The following SLC5A4 variants were observed in gnomAD, a reference collection of about 807,000 sequenced individuals.
SLC5A4 encodes solute carrier family 5 member 4, also known as probable glucose sensor protein SLC5A4.
In SLC5A4, 55 loss-of-function variants were observed where a neutral mutation model predicts 70.3. The observed-to-expected ratio is 0.78, with a 90% CI of 0.63 to 0.98. The LOEUF (loss-of-function observed/expected upper bound fraction) is 0.98, where lower values mean the gene tolerates loss of function less well. Among genes scored for constraint, SLC5A4 ranks in the 50% least tolerant of loss-of-function variants. SLC5A4 has a pLI of 0.00. For synonymous variants in SLC5A4, 268 were observed against 305.7 expected (o/e 0.88, Z 1.29); for missense variants, 735 against 839.2 (o/e 0.88, Z 1.53).
the SLC5A4 span, among the ~76,000 whole-genome samples, chr22:32,294,589 T>A: frequency 7.6e-6 from 1 of 131,556 alleles, no homozygotes; most frequent in Non-Finnish European, 1.6e-5. Context: ...TCCCTGACAA[T>A]CATTAATATT....
chr22:32,344,049 C>T, the SLC5A4 span, among the ~76,000 whole-genome samples: 67,399 of 151,942 alleles, frequency 0.44, 18,399 homozygotes, highest in African/African-American at 0.77. Flanking sequence ...TCAGTGATAT[C>T]TGTAAGCGCT....
chr22:32,300,463 C>A, the SLC5A4 span, among the ~76,000 whole-genome samples: 21,339 of 151,852 alleles, frequency 0.14, 1,734 homozygotes, highest in East Asian at 0.32. Flanking sequence ...TCAGAAAGGG[C>A]ACTCCCTGAC....
In SLC5A4 at chr22:32,218,652, C is replaced by T; in HGVS notation, c.1842G>A (p.Lys614=). Residue 614 remains lysine, a synonymous_variant, in exon 15 of 15, where the codon AAG becomes AAA. Coordinates refer to ENST00000266086, the MANE Select transcript of SLC5A4 (RefSeq NM_014227.3). Reference sequence around the variant, plus strand: ...AGGCTTCCTCCTCCTCCTTGGTTAGCTTGGGTCCCTTCTGCAAACCGCAGA... The same window carrying T: ...AGGCTTCCTCCTCCTCCTTGGTTAGTTTGGGTCCCTTCTGCAAACCGCAGA... ...DLFCGLQKGP[K]LTKEEEEALS... is the part of the protein sequence containing the mutation. 2 of 1,613,966 alleles carry T rather than the reference C, an allele frequency of 1.2e-6. 1 individual carries two copies. Among genetic ancestry groups the T allele is most frequent in the Non-Finnish European group, 1.7e-6 (2 of 1,180,000 alleles).
the SLC5A4 span, among the ~76,000 whole-genome samples, chr22:32,292,628 T>A: frequency 1.3e-5 from 2 of 151,962 alleles, no homozygotes; most frequent in South Asian, 4.1e-4. Flanking sequence ...TTTATAGAAT[T>A]CTATCTTAAT....
At chr22:32,258,843 T>C (rs1236176278), upstream of SLC5A4, among the ~76,000 whole-genome samples, 2 of 152,202 alleles carry the variant, frequency 1.3e-5, no homozygotes, top group African/African-American at 4.8e-5. Context: ...AGTGGATGCA[T>C]GGATAAAGAC....
At chr22:32,339,179 A>C in the SLC5A4 span, among the ~76,000 whole-genome samples, 10 of 152,044 alleles carry the variant, frequency 6.6e-5, no homozygotes, top group African/African-American at 2.2e-4. Context: ...AGGGAGAAAA[A>C]CGCAAAGCAG....
At chr22:32,319,931 T>C in the SLC5A4 span, among the ~76,000 whole-genome samples, 1 of 151,890 alleles carries the variant, frequency 6.6e-6, no homozygotes, top group African/African-American at 2.4e-5. Flanking sequence ...TAAGATGAAC[T>C]GAACAAACAG....
the SLC5A4 span, among the ~76,000 whole-genome samples, chr22:32,313,171 T>G: frequency 6.6e-6 from 1 of 152,176 alleles, no homozygotes; most frequent in Non-Finnish European, 1.5e-5. Flanking sequence ...GGAGAGTGCA[T>G]ACATAGAGGT....
At chr22:32,317,305 TTAA>T in the SLC5A4 span, among the ~76,000 whole-genome samples, 2 of 152,002 alleles carry the variant, frequency 1.3e-5, no homozygotes, top group African/African-American at 4.8e-5. Context: ...ACTGATCTTA[TTAA>T]TAAATTAGAA....
chr22:32,347,075 G>A, the SLC5A4 span, among the ~76,000 whole-genome samples: 12 of 152,252 alleles, frequency 7.9e-5, no homozygotes, highest in South Asian at 4.1e-4. Flanking sequence ...AAAAGAAGAC[G>A]TTTATGCAGC....
At chr22:32,261,838 C>A in the SLC5A4 span, among the ~76,000 whole-genome samples, 1 of 152,220 alleles carries the variant, frequency 6.6e-6, no homozygotes, top group Non-Finnish European at 1.5e-5. Flanking sequence ...CCCTCCCCAG[C>A]CTCTCATAAC....
chr22:32,259,977 C>T (rs1222407603), upstream of SLC5A4, among the ~76,000 whole-genome samples: 2 of 152,194 alleles, frequency 1.3e-5, no homozygotes, highest in Non-Finnish European at 2.9e-5. Flanking sequence ...CGATGCCTGC[C>T]CCGACCCCAA....
chr22:32,337,189 C>A, the SLC5A4 span, among the ~76,000 whole-genome samples: 4 of 152,196 alleles, frequency 2.6e-5, no homozygotes, highest in Non-Finnish European at 5.9e-5. Flanking sequence ...CTTGTCCTGG[C>A]TATCATCGCC....
the SLC5A4 span, among the ~76,000 whole-genome samples, chr22:32,322,626 A>G: frequency 2.6e-5 from 4 of 151,286 alleles, no homozygotes; most frequent in Admixed American, 1.3e-4. Context: ...AGAAACAGCC[A>G]GAGGCCCAAG....
intron 9 of SLC5A4, 79 bp downstream of exon 9, chr22:32,232,820 C>T: frequency 6.7e-7 from 1 of 1,497,834 alleles, no homozygotes; most frequent in Non-Finnish European, 9.0e-7. Context: ...TGGATTTTCT[C>T]AAGGTTTTAT....
the SLC5A4 span, among the ~76,000 whole-genome samples, chr22:32,262,962 G>A: frequency 0.025 from 3,734 of 151,944 alleles, 171 homozygotes; most frequent in African/African-American, 0.086. Flanking sequence ...TAGAGATGGG[G>A]TTTCACTGTG....
Position 32,235,103 on chromosome 22 carries a change from C to T in SLC5A4, c.665-10G>A, listed in dbSNP as rs185672690. Reference sequence around the variant, plus strand: ...CCAACTTCGTTAAATGCTAAAAAGGCATCAGAGTAAAATGAGATGTCTTAC... The same window carrying T: ...CCAACTTCGTTAAATGCTAAAAAGGTATCAGAGTAAAATGAGATGTCTTAC... On this transcript the variant is annotated splice_polypyrimidine_tract_variant and intron_variant, in intron 7 of 14. Coordinates refer to ENST00000266086, the MANE Select transcript of SLC5A4 (RefSeq NM_014227.3). 1.7e-5 allele frequency: 27 copies of T among 1,592,642 alleles called. No homozygotes were observed. In the Admixed American group the frequency reaches 2.5e-4, roughly 15 times the overall value.
the SLC5A4 span, among the ~76,000 whole-genome samples, chr22:32,308,423 G>A: frequency 1.3e-5 from 2 of 152,176 alleles, no homozygotes; most frequent in African/African-American, 2.4e-5. Flanking sequence ...GGCGCCACCA[G>A]GCTGGAATCC....
the SLC5A4 span, chr22:32,269,249 G>A: frequency 5.7e-6 from 1 of 176,578 alleles, no homozygotes; most frequent in East Asian, 1.6e-4. The surrounding 1 kb of genome is among the most constrained non-coding windows in gnomAD (Gnocchi z 4.1). Flanking sequence ...TATACATGTG[G>A]CTGTCATATT....
Sources: gnomAD v4.1 joint callset for allele counts (sites outside exome capture counted in the v4.1 genomes callset) on GRCh38, gnomAD v4.1.1 for gene constraint, Gnocchi (gnomAD v3.1) non-coding constraint, MANE v1.5 for transcripts, NCBI Gene and HGNC (gene_info 2026-07-23, HGNC 2026-07-21) for gene names.